The following MLLT6 variants were observed in gnomAD, a reference collection of about 807,000 sequenced individuals.
The protein encoded by MLLT6 is protein AF-17.
Under a neutral mutation model 103.0 loss-of-function variants are expected in MLLT6, and 22 were observed. That is an observed-to-expected ratio of 0.21 (90% CI 0.15 to 0.31). MLLT6 has a LOEUF of 0.31. Ranked by LOEUF, MLLT6 falls within the 10% of genes least tolerant of loss-of-function variation. MLLT6 has a pLI of 1.00. For missense variants in MLLT6, 1,199 were observed against 1,441.7 expected, an observed-to-expected ratio of 0.83 and a Z score of 2.73; for synonymous variants, 606 against 623.5, an observed-to-expected ratio of 0.97 and a Z score of 0.42.
chr17:38,725,351 C>G (rs1905967887), intron 19 of MLLT6: 1 of 577,292 alleles, frequency 1.7e-6, no homozygotes, highest in East Asian at 3.1e-5. Flanking sequence ...TTGCACATGC[C>G]CACGCAGCCC....
In MLLT6 at chr17:38,722,043, CCCGGGGCA is replaced by C; in HGVS notation, c.2609_2616del (p.Pro870ArgfsTer10). 7.1e-7 allele frequency: 1 copy of C among 1,415,256 alleles called. No individual in the cohort carries two copies. The allele number at this position is 1,415,256 out of a possible 1,614,324, so 87.7% of individuals were successfully genotyped here. On this transcript the variant is annotated frameshift_variant, in exon 17 of 20. Transcript: ENST00000621332. LOFTEE classifies it high-confidence loss of function. The stretch of plus-strand genomic sequence containing the variant: ...GCCGCAGAACGGGTTGGGCCGGGCA[CCCGGGGCA>C]GCGGGGCTGGGGGCCATGCCCATGG...
At chr17:38,722,912 G>T in intron 18 of MLLT6, 144 bp downstream of exon 18, 1 of 658,618 alleles carries the variant, frequency 1.5e-6, no homozygotes, top group Non-Finnish European at 2.7e-6. Context: ...CTGGGGCTGG[G>T]CCCTGTGGAG....
chr17:38,705,917 C>T (rs1904894654), intron 1 of MLLT6, 176 bp downstream of exon 1: 1 of 278,070 alleles, frequency 3.6e-6, no homozygotes, highest in Non-Finnish European at 6.6e-6. Context: ...CCGGGTCAGG[C>T]ATTGTTTTCT....
Position 38,724,757 on chromosome 17 carries a change from G to C in MLLT6, c.3021G>C (p.Ala1007=), listed in dbSNP as rs753358956. 1 of 1,608,934 alleles carries C rather than the reference G, an allele frequency of 6.2e-7. No individual in the cohort carries two copies. Among genetic ancestry groups the C allele is most frequent in the Non-Finnish European group, 8.5e-7 (1 of 1,178,188 alleles). The change falls in exon 19 of 20, where the codon GCG becomes GCC. Residue 1007 remains alanine (A), a synonymous_variant. Transcript: ENST00000621332. The surrounding 1 kb of genome is among the most constrained non-coding windows in gnomAD (Gnocchi z 5.4). ...LAGSSTPLLS[A]GTPGLLPTAS... ...GAAGCTCCACCCCGCTGCTGTCTGC[G>C]GGTACCCCTGGCCTGCTGCCCACAG...
At chr17:38,720,636 A>C (rs746199560) in intron 15 of MLLT6, 23 bp from the exon 16 acceptor site, 1 of 1,613,434 alleles carries the variant, frequency 6.2e-7, no homozygotes, top group African/African-American at 1.3e-5. Context: ...CCCTGACTGC[A>C]GCCTGTGACA....
In MLLT6 at chr17:38,724,054, A is replaced by G. The variant is rs143074363; in HGVS notation, c.2884-566A>G. Among the ~76,000 whole-genome samples the G allele has an allele frequency of 3.1e-4, 47 of 152,194 alleles. No individual in the cohort carries two copies. Among genetic ancestry groups the G allele is most frequent in the African/African-American group, 1.0e-3 (43 of 41,536 alleles). On this transcript the variant is annotated intron_variant, in intron 18 of 19. Coordinates refer to ENST00000621332, the MANE Select transcript of MLLT6 (RefSeq NM_005937.4). The surrounding 1 kb of genome is among the most constrained non-coding windows in gnomAD (Gnocchi z 5.4). ...CACCGTGTCCGGCGAATTGAAAACT[A>G]TTGACCTAGTCAGTAGTTTTGGCGA... is the stretch of plus-strand genomic sequence containing the variant.
chr17:38,705,759 GGGGGGCGGCGGGACCCC>G lies in MLLT6; in HGVS notation c.109+29_109+45del. ...CCACCAAGGTACGGGGGTGGCCCGC[GGGGGGCGGCGGGACCCC>G]GGGGGCGGCGTGCGCGGGGCGCCCC... On this transcript the variant is annotated intron_variant, in intron 1 of 19. Coordinates refer to ENST00000621332, the MANE Select transcript of MLLT6 (RefSeq NM_005937.4). 1 of 1,290,686 alleles carries G rather than the reference GGGGGGCGGCGGGACCCC, an allele frequency of 7.7e-7. No homozygotes were observed. Among genetic ancestry groups the G allele is most frequent in the Admixed American group, 2.8e-5 (1 of 35,160 alleles). The allele number at this position is 1,290,686 out of a possible 1,614,324, so 80.0% of individuals were successfully genotyped here.
intron 8 of MLLT6, chr17:38,714,294 T>C (rs1905240890): frequency 6.6e-6 from 1 of 152,240 alleles, no homozygotes; most frequent in Non-Finnish European, 1.5e-5. Context: ...CCCACAGCAC[T>C]GTCTCTGCAG....
In MLLT6 at chr17:38,715,658, A is replaced by C. The variant is rs779879500; in HGVS notation, c.866A>C (p.Gln289Pro). 15 of 1,614,064 alleles carry C rather than the reference A, an allele frequency of 9.3e-6. No homozygotes were observed. Among genetic ancestry groups the C allele is most frequent in the Non-Finnish European group, 1.1e-5 (13 of 1,180,004 alleles). Residue 289 changes from glutamine (Q) to proline (P), a missense_variant, in exon 9 of 20, where the codon CAG becomes CCG. By Grantham distance (76) the Gln-to-Pro change is moderately conservative (BLOSUM62 -1). Around this residue, in one of 7 missense-constraint regions of MLLT6, gnomAD observed 1,034 missense variants for 1,091.5 expected, o/e 0.95. Transcript: ENST00000621332. Reference protein sequence around the residue: ...SSSSHHEASTQETSESSRESK... With the variant: ...SSSSHHEASTPETSESSRESK... ...TCCTCCCACCACGAGGCCAGCACGCAGGAGACCTCTGAGAGCAGCAGGGAG... is the reference window on the plus strand; with the variant it reads ...TCCTCCCACCACGAGGCCAGCACGCCGGAGACCTCTGAGAGCAGCAGGGAG...
chr17:38,717,077 AC>A, intron 10 of MLLT6, 96 bp downstream of exon 10: 1 of 1,532,520 alleles, frequency 6.5e-7, no homozygotes, highest in Non-Finnish European at 8.7e-7. Flanking sequence ...TGGGATGGAT[AC>A]CACTCCAAAA....
chr17:38,723,846 G>T (rs1300676381), intron 18 of MLLT6, among the ~76,000 whole-genome samples: 1 of 151,478 alleles, frequency 6.6e-6, no homozygotes, highest in African/African-American at 2.4e-5. Context: ...GGGTTCAAGG[G>T]ATTCTCTTGC....
At position 38,712,672 on chromosome 17, in the gene MLLT6, G is replaced by A; in HGVS notation, c.721-19G>A. 6.4e-7 allele frequency: 1 copy of A among 1,567,594 alleles called. No homozygotes were observed. Among genetic ancestry groups the A allele is most frequent in the Non-Finnish European group, 8.8e-7 (1 of 1,137,874 alleles). ...AGACAGCCCCCCAGCACAATATCTA[G>A]TCACCTCTCCCTCTCCAGAGTCGAA... On this transcript the variant is annotated intron_variant, in intron 7 of 19. Transcript: ENST00000621332.
Position 38,720,557 on chromosome 17 carries a change from C to T in MLLT6, c.2341C>T (p.Leu781=). Reference sequence around the variant, plus strand: ...CGGCCCTGTCCCTGGGCCCTATGGCCTGCCTCCCCAAGGTGAGGGGATCCT... The same window carrying T: ...CGGCCCTGTCCCTGGGCCCTATGGCTTGCCTCCCCAAGGTGAGGGGATCCT... ...ANGPVPGPYG[L]PPQAGSSDSL... Residue 781 remains leucine (L), a synonymous_variant, in exon 15 of 20, where the codon CTG becomes TTG. Transcript: ENST00000621332. 2 of 1,612,296 alleles carry T rather than the reference C, an allele frequency of 1.2e-6. No individual in the cohort carries two copies. Among genetic ancestry groups the T allele is most frequent in the Middle Eastern group, 1.7e-4 (1 of 6,058 alleles).
At chr17:38,705,773 C>T in intron 1 of MLLT6, 32 bp downstream of exon 1, 2 of 1,181,232 alleles carry the variant, frequency 1.7e-6, no homozygotes, top group Non-Finnish European at 2.2e-6. Context: ...GGCGGCGGGA[C>T]CCCGGGGGCG....
chr17:38,728,263 G>A lies in MLLT6; in HGVS notation c.*2665G>A, dbSNP rs1906140350. 1 of 233,252 alleles carries A rather than the reference G, an allele frequency of 4.3e-6. No homozygotes were observed. The highest frequency in any genetic ancestry group is 8.5e-6 in the Non-Finnish European group (1 of 118,096). 14.4% of individuals were successfully genotyped at this position (233,252 alleles called of 1,614,324 possible). A position where few individuals can be genotyped will look rare whatever the true frequency, so the allele number is the denominator to read the frequency against. ...GGGAAAGGTCTCGAAAGCTTCAGGA[G>A]GAGCAGAATACCAACGCAGGGGGAT... On this transcript the variant is annotated 3_prime_UTR_variant, in exon 20 of 20. Coordinates refer to ENST00000621332, the MANE Select transcript of MLLT6 (RefSeq NM_005937.4).
chr17:38,711,294 C>G (rs79053428), intron 6 of MLLT6, among the ~76,000 whole-genome samples: 1 of 152,040 alleles, frequency 6.6e-6, no homozygotes, highest in Non-Finnish European at 1.5e-5. Context: ...TGTTTAACTT[C>G]CCCCCTTTCT....
chr17:38,707,883 C>T lies in MLLT6; in HGVS notation c.354+11C>T. On this transcript the variant is annotated intron_variant, in intron 4 of 19. Transcript: ENST00000621332. The stretch of plus-strand genomic sequence containing the variant: ...GATCGCTTCAACAAGGTCAGCGGCC[C>T]CCCGCCGTGTCCCCTACCAGTTCCC... The T allele has an allele frequency of 6.4e-7, 1 of 1,552,272 alleles. No individual in the cohort carries two copies. Among genetic ancestry groups the T allele is most frequent in the Non-Finnish European group, 8.9e-7 (1 of 1,128,484 alleles).
intron 13 of MLLT6, 76 bp downstream of exon 13, chr17:38,719,659 C>A: frequency 1.3e-6 from 2 of 1,566,244 alleles, no homozygotes; most frequent in East Asian, 2.3e-5. Context: ...GAGAGACCGG[C>A]GTGGGCTGGA....
chr17:38,715,238 TC>T (rs757621141), intron 8 of MLLT6: 146 of 182,962 alleles, frequency 8.0e-4, no homozygotes, highest in Non-Finnish European at 1.5e-4. Context: ...CCTCGCCACT[TC>T]CAGCATAGGT....
Sources: allele counts gnomAD v4.1 joint callset (sites outside exome capture counted in the v4.1 genomes callset), GRCh38; gene constraint gnomAD v4.1.1; regional missense constraint gnomAD v4.1.1; non-coding constraint Gnocchi (gnomAD v3.1); transcripts MANE v1.5; gene names NCBI Gene and HGNC (gene_info 2026-07-23, HGNC 2026-07-21).